Variants in CFAP251 observed in about 807,000 individuals in gnomAD.
CFAP251 encodes cilia- and flagella-associated protein 251.
CFAP251 carries 93 observed loss-of-function variants against 126.7 expected under a neutral mutation model. That is an observed-to-expected ratio of 0.73 (90% CI 0.62 to 0.87). CFAP251 has a LOEUF of 0.87. CFAP251 is among the 40% of genes least tolerant of loss of function. The probability of loss-of-function intolerance (pLI) is 0.00; values close to 1 mark genes in which losing one functional copy is unlikely to be tolerated. For missense variants in CFAP251, 1,287 were observed against 1,389.2 expected, an observed-to-expected ratio of 0.93 and a Z score of 1.17; for synonymous variants, 503 against 506.9, an observed-to-expected ratio of 0.99 and a Z score of 0.10.
In CFAP251 at chr12:121,928,628, A is replaced by G. The variant is rs1027699280; in HGVS notation, c.748-3118A>G. Among the ~76,000 whole-genome samples the G allele has an allele frequency of 6.5e-3, 180 of 27,656 alleles. 4 individuals carry two copies. The highest frequency in any genetic ancestry group is 0.049 in the South Asian group (37 of 750). 18.1% of individuals were successfully genotyped at this position (27,656 alleles called of 152,430 possible). On this transcript the variant is annotated intron_variant, in intron 3 of 21. Transcript: ENST00000288912. Reference sequence around the variant, plus strand: ...CCTAGATAATTTTATGTATATGTGTATATATATACGTATATATATATATAT... The same window carrying G: ...CCTAGATAATTTTATGTATATGTGTGTATATATACGTATATATATATATAT...
chr12:121,936,620 C>T (rs1008590867), intron 5 of CFAP251, among the ~76,000 whole-genome samples: 3 of 152,118 alleles, frequency 2.0e-5, no homozygotes, highest in Non-Finnish European at 4.4e-5. Flanking sequence ...TCTTATCTGC[C>T]GAGGACATTG....
At chr12:121,995,122 G>A (rs1882995136) in intron 19 of CFAP251, among the ~76,000 whole-genome samples, 1 of 152,278 alleles carries the variant, frequency 6.6e-6, no homozygotes, top group East Asian at 1.9e-4. Flanking sequence ...TTCAAGATGA[G>A]GAAACTGAGG....
chr12:121,926,021 A>ATTTTTTTTT, intron 3 of CFAP251, among the ~76,000 whole-genome samples: 1 of 97,506 alleles, frequency 1.0e-5, no homozygotes, highest in Non-Finnish European at 2.0e-5. Flanking sequence ...ATTTTTTGTA[A>ATTTTTTTTT]TTTTTTTTTT....
chr12:121,975,929 A>G (rs185073602), intron 19 of CFAP251, among the ~76,000 whole-genome samples: 1 of 151,970 alleles, frequency 6.6e-6, no homozygotes, highest in Admixed American at 6.6e-5. Context: ...TCTTGCAACC[A>G]TGGTGTTGAA....
chr12:121,942,178 C>A (rs1357707025), intron 5 of CFAP251, among the ~76,000 whole-genome samples: 1 of 152,148 alleles, frequency 6.6e-6, no homozygotes, highest in African/African-American at 2.4e-5. Context: ...CACTCTTATG[C>A]AACCATCATC....
At chr12:121,924,027 T>G in intron 3 of CFAP251, 37 bp downstream of exon 3, 1 of 1,463,118 alleles carries the variant, frequency 6.8e-7, no homozygotes. Flanking sequence ...CCAGTGCTTT[T>G]GAGAGTGTTG....
intron 16 of CFAP251, 31 bp from the exon 17 acceptor site, chr12:121,967,975 T>A (rs749178884): frequency 1.3e-6 from 2 of 1,576,350 alleles, no homozygotes; most frequent in Non-Finnish European, 1.7e-6. Context: ...GCTACCTGAG[T>A]CTGAATATCC....
Position 121,960,585 on chromosome 12 carries a change from G to A in CFAP251, c.2134G>A (p.Asp712Asn), listed in dbSNP as rs371088757. ...CTCCTTCTCTTTTGCTCATCTTCAG[G>A]ATAGAAGTTTTACTGTGGCTGTTTA... ...SHDSQYMATA[D>N]RSFTVAVYML... The change falls in exon 14 of 22, where the codon GAT (aspartate) becomes AAT (asparagine). Residue 712 changes from aspartate to asparagine, a missense_variant and splice_region_variant. By Grantham distance (23) the Asp-to-Asn change is conservative. Transcript: ENST00000288912. The A allele has an allele frequency of 6.2e-6, 10 of 1,613,994 alleles. No homozygotes were observed. In the African/African-American group the frequency reaches 1.3e-4, roughly 22 times the overall value.
Position 121,957,229 on chromosome 12 carries a change from C to T in CFAP251, c.1691C>T (p.Pro564Leu), listed in dbSNP as rs1185948128. 3 of 1,613,548 alleles carry T rather than the reference C, an allele frequency of 1.9e-6. No homozygotes were observed. ...CCTCCTACTGAAAAATCAAACTATC[C>T]TCCTGACTGCACTTTAAAAGGTGAC... ...ATPPTEKSNY[P>L]PDCTLKGDLF... The change falls in exon 11 of 22, where the codon CCT (proline) becomes CTT (leucine). Residue 564 changes from proline (P) to leucine (L), a missense_variant. Transcript: ENST00000288912.
intron 10 of CFAP251, among the ~76,000 whole-genome samples, chr12:121,954,934 T>C (rs1362373242): frequency 2.0e-5 from 3 of 152,240 alleles, no homozygotes; most frequent in Non-Finnish European, 4.4e-5. Flanking sequence ...TGGATGGATT[T>C]TGCACCCAAC....
At chr12:121,964,441 G>A (rs904409175) in intron 15 of CFAP251, among the ~76,000 whole-genome samples, 11 of 152,172 alleles carry the variant, frequency 7.2e-5, no homozygotes, top group Non-Finnish European at 7.3e-5. Flanking sequence ...GGCAGACCTC[G>A]GGCCTGAAGT....
intron 17 of CFAP251, chr12:121,969,130 C>A (rs1456998287): frequency 5.1e-6 from 5 of 985,322 alleles, no homozygotes; most frequent in Non-Finnish European, 6.0e-6. Flanking sequence ...GGAAAACAAA[C>A]CTGATTCCTG....
At chr12:121,984,230 G>A (rs989500696) in intron 19 of CFAP251, among the ~76,000 whole-genome samples, 26 of 152,184 alleles carry the variant, frequency 1.7e-4, no homozygotes, top group African/African-American at 6.3e-4. Context: ...TTCTTTCGCA[G>A]AAAGCTGTGC....
chr12:121,958,197 A>G, intron 11 of CFAP251, 75 bp from the exon 12 acceptor site: 1 of 1,576,348 alleles, frequency 6.3e-7, no homozygotes, highest in Non-Finnish European at 8.6e-7. Flanking sequence ...TTTTATGTGC[A>G]ATTAGAAGCA....
chr12:121,985,981 C>A (rs887774862), intron 19 of CFAP251, among the ~76,000 whole-genome samples: 2 of 151,872 alleles, frequency 1.3e-5, no homozygotes, highest in African/African-American at 4.8e-5. Context: ...CGTAGTGAGA[C>A]CTTGTCTCTA....
intron 14 of CFAP251, 86 bp from the exon 15 acceptor site, chr12:121,961,892 G>A: frequency 2.2e-6 from 3 of 1,375,382 alleles, no homozygotes; most frequent in Non-Finnish European, 2.0e-6. Context: ...TAATTATAAA[G>A]GCTGTCACCC....
chr12:121,927,734 T>G (rs890438009), intron 3 of CFAP251, among the ~76,000 whole-genome samples: 1 of 152,216 alleles, frequency 6.6e-6, no homozygotes, highest in Non-Finnish European at 1.5e-5. Flanking sequence ...CCTTTTCCTT[T>G]GGGGTCCTCT....
rs1029680206 is a variant in CFAP251, at chr12:121,972,017, G to A, written c.2772-3227G>A. 1.0e-4 allele frequency: 24 copies of A among 233,820 alleles called. No individual in the cohort carries two copies. In the East Asian group the frequency reaches 1.2e-3, roughly 12 times the overall value. The allele number at this position is 233,820 out of a possible 1,614,324, so 14.5% of individuals were successfully genotyped here. A position where few individuals can be genotyped will look rare whatever the true frequency, so the allele number is the denominator to read the frequency against. Reference sequence around the variant, plus strand: ...GCCTTTCACCTTCCGCCATGATTGTGAGGCCTCCCCAGCCACATGAAACTG... The same window carrying A: ...GCCTTTCACCTTCCGCCATGATTGTAAGGCCTCCCCAGCCACATGAAACTG... On this transcript the variant is annotated intron_variant, in intron 17 of 21. Coordinates refer to ENST00000288912, the MANE Select transcript of CFAP251 (RefSeq NM_144668.6).
intron 5 of CFAP251, among the ~76,000 whole-genome samples, chr12:121,939,182 G>T (rs1667580): frequency 3.9e-5 from 6 of 152,002 alleles, no homozygotes; most frequent in Non-Finnish European, 8.8e-5. Flanking sequence ...TGTTTTCCCA[G>T]ACAAATCTGA....
Sources: allele counts gnomAD v4.1 joint callset (sites outside exome capture counted in the v4.1 genomes callset), GRCh38; gene constraint gnomAD v4.1.1; transcripts MANE v1.5; gene names NCBI Gene and HGNC (gene_info 2026-07-23, HGNC 2026-07-21).